The following CELF2 variants were observed in gnomAD, a reference collection of about 807,000 sequenced individuals.
CELF2 encodes CUG triplet repeat RNA-binding protein 2.
A neutral mutation model predicts 62.6 loss-of-function variants in CELF2; 8 were observed. The ratio of observed to expected loss-of-function variants is 0.13; its 90% confidence interval spans 0.07 to 0.23. The LOEUF is 0.23. Ranked by LOEUF, CELF2 falls within the 10% of genes least tolerant of loss-of-function variation. CELF2 has a pLI of 1.00. For synonymous variants in CELF2, 258 were observed against 250.0 expected (o/e 1.03, Z -0.30); for missense variants, 333 against 671.0 (o/e 0.50, Z 5.56).
rs1349417279 is a variant in CELF2, at chr10:10,995,794, T to C, written c.89+75795T>C. ...ATGGCCTCAACTAACGTAGTAGAGA[T>C]GGGAGGAAGTGGTTGGGAAAGTGTT... On this transcript the variant is annotated intron_variant, in intron 2 of 13. Transcript: ENST00000636488. The surrounding 1 kb of genome is among the most constrained non-coding windows in gnomAD (Gnocchi z 4.7). Among the ~76,000 whole-genome samples the C allele has an allele frequency of 6.6e-6, 1 of 152,140 alleles. No individual in the cohort carries two copies. Among genetic ancestry groups the C allele is most frequent in the Non-Finnish European group, 1.5e-5 (1 of 68,016 alleles).
intron 2 of CELF2, among the ~76,000 whole-genome samples, chr10:11,166,411 A>G (rs1449835457): frequency 6.6e-6 from 1 of 151,644 alleles, no homozygotes; most frequent in Non-Finnish European, 1.5e-5. Context: ...TTAATGAGAT[A>G]GAGACCCAGA....
the CELF2 span, among the ~76,000 whole-genome samples, chr10:10,630,562 G>A: frequency 1.1e-4 from 17 of 152,132 alleles, no homozygotes; most frequent in Non-Finnish European, 4.4e-5. Flanking sequence ...GACCCACTGG[G>A]TAGAGATTGT....
At chr10:11,018,400 T>G (rs574726954) in intron 1 of CELF2, among the ~76,000 whole-genome samples, 1 of 151,320 alleles carries the variant, frequency 6.6e-6, no homozygotes, top group African/African-American at 2.4e-5. Context: ...GAGCGCGGCG[T>G]CCCGGGGACC....
At chr10:10,996,536 T>C (rs1012914810) in intron 2 of CELF2, among the ~76,000 whole-genome samples, 2 of 152,250 alleles carry the variant, frequency 1.3e-5, no homozygotes, top group Admixed American at 1.3e-4. Context: ...TGCATGTTCC[T>C]GCCTCTTATT....
At chr10:11,012,900 C>T (rs560072263), upstream of CELF2, among the ~76,000 whole-genome samples, 7 of 152,162 alleles carry the variant, frequency 4.6e-5, no homozygotes, top group Non-Finnish European at 8.8e-5. The surrounding 1 kb of genome is among the most constrained non-coding windows in gnomAD (Gnocchi z 5.5). Context: ...GAGTGCCTGC[C>T]GTGTGCAAAT....
the CELF2 span, among the ~76,000 whole-genome samples, chr10:10,751,151 G>C: frequency 6.6e-6 from 1 of 152,218 alleles, no homozygotes; most frequent in Non-Finnish European, 1.5e-5. Flanking sequence ...TTGGAGTGCT[G>C]AGCCTGTGGG....
the CELF2 span, among the ~76,000 whole-genome samples, chr10:10,495,496 A>G: frequency 6.6e-6 from 1 of 152,286 alleles, no homozygotes; most frequent in South Asian, 2.1e-4. Context: ...AAGAAAACTC[A>G]TGTAGAGGAC....
the CELF2 span, among the ~76,000 whole-genome samples, chr10:10,543,156 T>C: frequency 6.6e-6 from 1 of 152,194 alleles, no homozygotes; most frequent in Non-Finnish European, 1.5e-5. Flanking sequence ...ATCTCTCCTA[T>C]ACTACTTAAT....
the CELF2 span, among the ~76,000 whole-genome samples, chr10:10,630,975 A>G: frequency 6.6e-6 from 1 of 152,182 alleles, no homozygotes; most frequent in Non-Finnish European, 1.5e-5. Flanking sequence ...TCATAGAGTG[A>G]CAGTTGCCAG....
the CELF2 span, among the ~76,000 whole-genome samples, chr10:10,656,709 T>C: frequency 2.2e-5 from 2 of 89,226 alleles, no homozygotes; most frequent in African/African-American, 4.5e-5. Flanking sequence ...TATCACACTC[T>C]GGGGACTGTG....
intron 1 of CELF2, among the ~76,000 whole-genome samples, chr10:11,045,299 C>T (rs2062617051): frequency 6.6e-6 from 1 of 152,140 alleles, no homozygotes; most frequent in South Asian, 2.1e-4. Context: ...ACAGGGGTCT[C>T]ATTAAGTTGC....
chr10:10,931,170 G>A lies in CELF2; in HGVS notation c.89+11171G>A, dbSNP rs145074024. On this transcript the variant is annotated intron_variant, in intron 2 of 13. Coordinates refer to the CELF2 transcript ENST00000636488. The surrounding 1 kb of genome is among the most constrained non-coding windows in gnomAD (Gnocchi z 6.1). ...TATTTTCCTTTTCCTTCTTTCTGGC[G>A]AATACGCAGTTTTCCTTTTGGACTG... is the stretch of plus-strand genomic sequence containing the variant. Among the ~76,000 whole-genome samples the A allele has an allele frequency of 9.2e-5, 14 of 152,074 alleles. No individual in the cohort carries two copies. Among genetic ancestry groups the A allele is most frequent in the Middle Eastern group, 6.8e-3 (2 of 294 alleles).
chr10:11,000,191 A>G (rs1364616212), intron 2 of CELF2, among the ~76,000 whole-genome samples: 5 of 151,930 alleles, frequency 3.3e-5, no homozygotes, highest in Admixed American at 2.6e-4. Context: ...AATCAACTAC[A>G]TTATCCATGA....
intron 2 of CELF2, among the ~76,000 whole-genome samples, chr10:10,979,501 T>C (rs1232623468): frequency 6.6e-6 from 1 of 151,942 alleles, no homozygotes; most frequent in East Asian, 1.9e-4. Flanking sequence ...TGAAACCCTG[T>C]CTCTACGAAA....
At chr10:11,034,132 ACT>A (rs1758206709) in intron 1 of CELF2, among the ~76,000 whole-genome samples, 1 of 152,120 alleles carries the variant, frequency 6.6e-6, no homozygotes, top group Non-Finnish European at 1.5e-5. Flanking sequence ...ATATTTGATG[ACT>A]CTGGGCTTTT....
upstream of CELF2, among the ~76,000 whole-genome samples, chr10:11,002,763 A>G (rs774274167): frequency 5.9e-5 from 9 of 152,224 alleles, no homozygotes; most frequent in Non-Finnish European, 1.2e-4. This position sits in a 1 kb window ranked among gnomAD's most constrained non-coding sequence, Gnocchi z 4.4. Flanking sequence ...CAGTGTAGTC[A>G]TCTATGCTGA....
chr10:10,501,510 G>T, the CELF2 span, among the ~76,000 whole-genome samples: 1 of 151,946 alleles, frequency 6.6e-6, no homozygotes, highest in Non-Finnish European at 1.5e-5. Flanking sequence ...CTGAATACAT[G>T]TTTTTTATAT....
intron 2 of CELF2, among the ~76,000 whole-genome samples, chr10:11,170,281 C>G (rs2068447731): frequency 2.0e-5 from 3 of 152,172 alleles, no homozygotes; most frequent in Non-Finnish European, 2.9e-5. Context: ...CACAAAGTTT[C>G]AGAAATAGGA....
the CELF2 span, among the ~76,000 whole-genome samples, chr10:10,757,777 G>T: frequency 2.6e-5 from 4 of 152,218 alleles, no homozygotes; most frequent in African/African-American, 9.7e-5. Context: ...TAGCAATGTG[G>T]AGAGAGGGAG....
Sources: gnomAD v4.1 joint callset for allele counts (sites outside exome capture counted in the v4.1 genomes callset) on GRCh38, gnomAD v4.1.1 for gene constraint, Gnocchi (gnomAD v3.1) non-coding constraint, MANE v1.5 for transcripts, NCBI Gene and HGNC (gene_info 2026-07-23, HGNC 2026-07-21) for gene names.